ADGRL2: variants seen among roughly 807,000 people sequenced by gnomAD.
The protein encoded by ADGRL2 is calcium-independent alpha-latrotoxin receptor 2.
Under a neutral mutation model 157.4 loss-of-function variants are expected in ADGRL2, and 44 were observed. That is an observed-to-expected ratio of 0.28 (90% CI 0.22 to 0.36). The LOEUF (loss-of-function observed/expected upper bound fraction) is 0.36, where lower values mean the gene tolerates loss of function less well. Among genes scored for constraint, ADGRL2 ranks in the 10% least tolerant of loss-of-function variants. ADGRL2 has a pLI of 1.00. For synonymous variants in ADGRL2, 585 were observed against 624.7 expected, an observed-to-expected ratio of 0.94 and a Z score of 0.95; for missense variants, 1,510 against 1,768.9, an observed-to-expected ratio of 0.85 and a Z score of 2.63.
chr1:81,389,389 T>A (rs1172292558), intron 1 of ADGRL2, among the ~76,000 whole-genome samples: 2 of 151,896 alleles, frequency 1.3e-5, no homozygotes, highest in Non-Finnish European at 2.9e-5. Flanking sequence ...TTCTAGAAAA[T>A]GAGCTGAAAG....
rs1293698982 is a variant in ADGRL2, at chr1:81,950,618, C to T, written c.1504+136C>T. 9 of 825,416 alleles carry T rather than the reference C, an allele frequency of 1.1e-5. No individual in the cohort carries two copies. In the East Asian group the frequency reaches 2.4e-4, roughly 22 times the overall value. 51.1% of individuals were successfully genotyped at this position (825,416 alleles called of 1,614,324 possible). A position where few individuals can be genotyped will look rare whatever the true frequency, so the allele number is the denominator to read the frequency against. On this transcript the variant is annotated intron_variant, in intron 7 of 23. Coordinates refer to ENST00000686636, the MANE Select transcript of ADGRL2 (RefSeq NM_001366006.2). ...TTTTTGTACTTTGGTAATATAACAT[C>T]TATGGACAAAGTTTTTTAAACTGTA...
At chr1:81,689,082 TG>T (rs1348699133) in intron 3 of ADGRL2, among the ~76,000 whole-genome samples, 1 of 152,158 alleles carries the variant, frequency 6.6e-6, no homozygotes, top group African/African-American at 2.4e-5. Flanking sequence ...CTGGTGGACG[TG>T]GTGAAGGGTG....
intron 3 of ADGRL2, among the ~76,000 whole-genome samples, chr1:81,685,632 C>T (rs1220298000): frequency 2.0e-5 from 3 of 152,140 alleles, no homozygotes; most frequent in Non-Finnish European, 4.4e-5. Flanking sequence ...TTATTTCTTT[C>T]TCTTGTCTGA....
At position 81,950,372 on chromosome 1, in the gene ADGRL2, T is replaced by C. The variant is rs560176083; in HGVS notation, c.1394T>C (p.Ile465Thr). 1.7e-5 allele frequency: 27 copies of C among 1,613,910 alleles called. No individual in the cohort carries two copies. The South Asian group carries it at 2.6e-4, about 16-fold the overall frequency. ...ACCAAAATTCCACCTATAACAAATATTTTTCCCCTGCCAGAGAGATTCTGT... is the reference window on the plus strand; with the variant it reads ...ACCAAAATTCCACCTATAACAAATACTTTTCCCCTGCCAGAGAGATTCTGT... ...STTKIPPITN[I>T]FPLPERFCEA... Residue 465 changes from isoleucine (I) to threonine (T), a missense_variant, in exon 7 of 24, where the codon ATT (isoleucine) becomes ACT (threonine). Physicochemically the swap from Ile to Thr is moderately conservative, Grantham distance 89. Transcript: ENST00000686636.
At chr1:81,383,834 G>A (rs556770249) in intron 1 of ADGRL2, among the ~76,000 whole-genome samples, 145 of 143,836 alleles carry the variant, frequency 1.0e-3, no homozygotes, top group African/African-American at 1.7e-3. Context: ...AAAGAGAGCC[G>A]GGCGTGGTAC....
chr1:81,379,425 C>T (rs1443977356), intron 1 of ADGRL2, among the ~76,000 whole-genome samples: 2 of 152,154 alleles, frequency 1.3e-5, no homozygotes, highest in Non-Finnish European at 2.9e-5. Context: ...TTCCTTATCA[C>T]AAGGAGAGAG....
intron 2 of ADGRL2, among the ~76,000 whole-genome samples, chr1:81,779,157 T>G (rs2086713308): frequency 1.3e-5 from 2 of 152,100 alleles, no homozygotes; most frequent in African/African-American, 4.8e-5. Context: ...CAAATCAAAG[T>G]ACCTGCATTC....
chr1:81,578,838 C>T (rs961952077), intron 2 of ADGRL2, among the ~76,000 whole-genome samples: 1 of 152,000 alleles, frequency 6.6e-6, no homozygotes, highest in Non-Finnish European at 1.5e-5. Context: ...TTATGTAGTT[C>T]CCCCCGAAGC....
Position 81,984,714 on chromosome 1 carries a change from A to T in ADGRL2, c.3411+3A>T. The T allele has an allele frequency of 6.2e-7, 1 of 1,612,326 alleles. No individual in the cohort carries two copies. Among genetic ancestry groups the T allele is most frequent in the South Asian group, 1.1e-5 (1 of 90,960 alleles). ...CTCGCTATTCCTCTGGCACACAGGT[A>T]ACAAAGAGTTTGACAGCATCTTTAA... On this transcript the variant is annotated splice_donor_region_variant and intron_variant, in intron 20 of 23. Coordinates refer to ENST00000686636, the MANE Select transcript of ADGRL2 (RefSeq NM_001366006.2).
chr1:81,785,683 A>G (rs2087009459), intron 2 of ADGRL2, among the ~76,000 whole-genome samples: 1 of 152,030 alleles, frequency 6.6e-6, no homozygotes, highest in Admixed American at 6.6e-5. Context: ...AGCTATGATC[A>G]TGCTACTGTA....
Position 81,943,529 on chromosome 1 carries a change from G to C in ADGRL2, c.970G>C (p.Val324Leu). ...ATCAAATGCTTTTATGATATGCGGA[G>C]TCCTCTATGTGGTTAGGTCAGTTTA... ...AASNAFMICG[V>L]LYVVRSVYQD... The change falls in exon 6 of 24, where the codon GTC becomes CTC. Residue 324 changes from valine (V) to leucine (L), a missense_variant. This residue lies in a region of ADGRL2 where 361 missense variants were observed against 498.4 expected (regional missense o/e 0.72). Transcript: ENST00000686636. This position sits in a 1 kb window ranked among gnomAD's most constrained non-coding sequence, Gnocchi z 5.6. The C allele has an allele frequency of 6.2e-7, 1 of 1,613,776 alleles. No individual in the cohort carries two copies.
chr1:81,396,633 T>C (rs1446006874), intron 1 of ADGRL2, among the ~76,000 whole-genome samples: 2 of 152,214 alleles, frequency 1.3e-5, no homozygotes, highest in African/African-American at 4.8e-5. Context: ...TGTGGGTTTA[T>C]CATATATGGT....
intron 3 of ADGRL2, among the ~76,000 whole-genome samples, chr1:81,633,751 C>T (rs1203634262): frequency 2.6e-5 from 4 of 152,104 alleles, no homozygotes; most frequent in South Asian, 2.1e-4. Context: ...TCTAATCCAT[C>T]GTTAAGTCTT....
intron 2 of ADGRL2, among the ~76,000 whole-genome samples, chr1:81,450,431 G>T (rs2077681894): frequency 6.6e-6 from 1 of 151,948 alleles, no homozygotes; most frequent in Admixed American, 6.6e-5. Flanking sequence ...GAAAGTATTG[G>T]CCCCAGTCTA....
At chr1:81,496,180 C>A (rs915395782) in intron 2 of ADGRL2, among the ~76,000 whole-genome samples, 3 of 152,178 alleles carry the variant, frequency 2.0e-5, no homozygotes, top group African/African-American at 7.2e-5. Context: ...ATTATTGAAA[C>A]CCAAACTTTC....
At chr1:81,946,056 G>C (rs1442425270) in intron 6 of ADGRL2, among the ~76,000 whole-genome samples, 1 of 152,120 alleles carries the variant, frequency 6.6e-6, no homozygotes, top group Non-Finnish European at 1.5e-5. Flanking sequence ...GAAACTGATA[G>C]AACAGAGCAA....
chr1:81,636,391 C>G (rs2082115939), intron 3 of ADGRL2, among the ~76,000 whole-genome samples: 1 of 151,952 alleles, frequency 6.6e-6, no homozygotes, highest in Admixed American at 6.6e-5. Context: ...TATGGAGTAA[C>G]ATGGGAGATT....
At chr1:81,428,501 C>T (rs1484903189) in intron 1 of ADGRL2, among the ~76,000 whole-genome samples, 1 of 152,090 alleles carries the variant, frequency 6.6e-6, no homozygotes, top group African/African-American at 2.4e-5. Context: ...TATTAACATG[C>T]AAACGCATGG....
chr1:81,709,697 C>G (rs1168748548), intron 1 of ADGRL2, among the ~76,000 whole-genome samples: 1 of 152,032 alleles, frequency 6.6e-6, no homozygotes, highest in Non-Finnish European at 1.5e-5. Context: ...TTCTGCCCAT[C>G]CATCTCTCTT....
Sources: allele counts gnomAD v4.1 joint callset (sites outside exome capture counted in the v4.1 genomes callset), GRCh38; gene constraint gnomAD v4.1.1; regional missense constraint gnomAD v4.1.1; non-coding constraint Gnocchi (gnomAD v3.1); transcripts MANE v1.5; gene names NCBI Gene and HGNC (gene_info 2026-07-23, HGNC 2026-07-21).